The following MTR variants were observed in gnomAD, a reference collection of about 807,000 sequenced individuals.
The protein encoded by MTR is 5-methyltetrahydrofolate-homocysteine methyltransferase.
MTR carries 84 observed loss-of-function variants against 154.8 expected under a neutral mutation model. The ratio of observed to expected loss-of-function variants is 0.54; its 90% CI spans 0.45 to 0.65. The LOEUF (loss-of-function observed/expected upper bound fraction) is 0.65, where lower values mean the gene tolerates loss of function less well. Ranked by LOEUF, MTR falls within the 30% of genes least tolerant of loss-of-function variation. MTR has a pLI of 0.00. For synonymous variants in MTR, 554 were observed against 553.9 expected (o/e 1.00, Z 0.00); for missense variants, 1,275 against 1,570.2 (o/e 0.81, Z 3.18).
intron 2 of MTR, among the ~76,000 whole-genome samples, chr1:236,804,029 G>T (rs1002819052): frequency 1.4e-5 from 2 of 145,656 alleles, no homozygotes; most frequent in Admixed American, 7.0e-5. Flanking sequence ...CATAGACTGG[G>T]TTATACAAGC....
intron 7 of MTR, 87 bp downstream of exon 7, chr1:236,815,750 C>CT (rs1282977058): frequency 1.2e-5 from 16 of 1,280,072 alleles, no homozygotes; most frequent in Middle Eastern, 3.7e-4. Flanking sequence ...CATAGTAGAA[C>CT]TATTAATGGT....
intron 27 of MTR, among the ~76,000 whole-genome samples, chr1:236,888,448 C>T (rs1334491965): frequency 6.6e-6 from 1 of 152,196 alleles, no homozygotes; most frequent in Non-Finnish European, 1.5e-5. Context: ...GTATAAAGAA[C>T]AATATATTAA....
intron 32 of MTR, among the ~76,000 whole-genome samples, 192 bp downstream of exon 32, chr1:236,897,310 G>GCACGCACACA (rs1373475510): frequency 2.3e-5 from 3 of 128,614 alleles, no homozygotes; most frequent in African/African-American, 8.3e-5. Flanking sequence ...CCACACACAC[G>GCACGCACACA]CACACACACA....
chr1:236,885,499 A>C (rs568125370), intron 26 of MTR, among the ~76,000 whole-genome samples: 2 of 152,196 alleles, frequency 1.3e-5, no homozygotes, highest in Non-Finnish European at 2.9e-5. Flanking sequence ...ATGGTAATGA[A>C]TAAAACATGA....
At chr1:236,819,378 T>C (rs1317690464) in intron 8 of MTR, among the ~76,000 whole-genome samples, 1 of 152,222 alleles carries the variant, frequency 6.6e-6, no homozygotes, top group Non-Finnish European at 1.5e-5. Context: ...ATTGGCTTCT[T>C]TCACTTAGTG....
intron 22 of MTR, among the ~76,000 whole-genome samples, chr1:236,873,271 G>A (rs1392928334): frequency 2.0e-5 from 3 of 152,202 alleles, no homozygotes; most frequent in East Asian, 1.9e-4. Flanking sequence ...GTTACCAGGG[G>A]ATGGAGTGGA....
At chr1:236,844,824 C>G (rs2103209841) in intron 15 of MTR, among the ~76,000 whole-genome samples, 1 of 152,186 alleles carries the variant, frequency 6.6e-6, no homozygotes, top group East Asian at 1.9e-4. Flanking sequence ...GAATGTTGTG[C>G]CTTAGGGATC....
rs77917251 is a variant in MTR at position 236,812,378 on chromosome 1, C to T, written c.503-360C>T. ...CTCTGCATCAGTGTGGCATGTTTCT[C>T]ACAGCCATCTCTTAACCGGTTGATT... On this transcript the variant is annotated intron_variant, in intron 5 of 32. Transcript: ENST00000366577. 6.4e-3 allele frequency among the ~76,000 whole-genome samples: 971 copies of T among 152,326 alleles called. 10 individuals are homozygous for T. Among genetic ancestry groups the T allele is most frequent in the Non-Finnish European group, 9.7e-3 (658 of 68,028 alleles).
At chr1:236,813,135 G>T (rs1193616212) in intron 6 of MTR, among the ~76,000 whole-genome samples, 1 of 152,034 alleles carries the variant, frequency 6.6e-6, no homozygotes, top group African/African-American at 2.4e-5. Flanking sequence ...TTCTAAATTT[G>T]AAAGATACAT....
chr1:236,861,181 AT>A lies in MTR; in HGVS notation c.2101del (p.Tyr701IlefsTer7), dbSNP rs762727293. 1.8e-5 allele frequency: 29 copies of A among 1,613,228 alleles called. No homozygotes were observed. The highest frequency in any genetic ancestry group is 3.3e-5 in the Admixed American group (2 of 59,960). On this transcript the variant is annotated frameshift_variant, in exon 20 of 33. Coordinates refer to ENST00000366577, the MANE Select transcript of MTR (RefSeq NM_000254.3). LOFTEE classifies it high-confidence loss of function. Reference sequence around the variant, plus strand: ...AGGAAGCCAGGTTAAACCAAAAAAAATATCCCCGACCTCTCAATATAATTGA... The same window carrying A: ...AGGAAGCCAGGTTAAACCAAAAAAAAATCCCCGACCTCTCAATATAATTGA... The part of the protein sequence containing the change: ...TEEARLNQKK[Y>X]PRPLNIIEGP...
At chr1:236,856,800 TGTTA>T (rs1371089811) in intron 18 of MTR, among the ~76,000 whole-genome samples, 1 of 152,120 alleles carries the variant, frequency 6.6e-6, no homozygotes, top group Non-Finnish European at 1.5e-5. Context: ...TCTGTTCCTG[TGTTA>T]GTTTGTTGAG....
intron 4 of MTR, 99 bp from the exon 5 acceptor site, chr1:236,810,404 T>C: frequency 1.0e-6 from 1 of 974,478 alleles, no homozygotes; most frequent in Admixed American, 1.7e-5. Context: ...CAAAAGATTA[T>C]AGACCTGTGT....
At chr1:236,799,298 T>G (rs987245683) in intron 1 of MTR, among the ~76,000 whole-genome samples, 1 of 151,882 alleles carries the variant, frequency 6.6e-6, no homozygotes, top group Admixed American at 6.6e-5. Context: ...ATTTTTGTTT[T>G]TTTTTTTTGT....
chr1:236,886,097 T>A (rs1665993964), intron 26 of MTR, among the ~76,000 whole-genome samples, 195 bp from the exon 27 acceptor site: 1 of 151,172 alleles, frequency 6.6e-6, no homozygotes, highest in African/African-American at 2.5e-5. Flanking sequence ...TTATTAAGTC[T>A]TTACTATCTA....
rs1663665758 is a variant in MTR, at chr1:236,847,758, T to TA, written c.1516-2580dup. On this transcript the variant is annotated intron_variant, in intron 15 of 32. Coordinates refer to ENST00000366577, the MANE Select transcript of MTR (RefSeq NM_000254.3). The stretch of plus-strand genomic sequence containing the variant: ...GGTTCAGGGTGAGGTGTTACTATTA[T>TA]AAAAAACAAGCAAACAGAAATCCCT... 2.6e-5 allele frequency among the ~76,000 whole-genome samples: 4 copies of TA among 152,158 alleles called. No individual in the cohort carries two copies. In the South Asian group the frequency reaches 8.3e-4, roughly 32 times the overall value.
rs568086705 is a variant in MTR, at chr1:236,873,213, G to A, written c.2406-560G>A. On this transcript the variant is annotated intron_variant, in intron 22 of 32. Coordinates refer to ENST00000366577, the MANE Select transcript of MTR (RefSeq NM_000254.3). Reference sequence around the variant, plus strand: ...GAATACTGTATTATTCTACTTATGCGAAATATCTAGATAAGGCAAATTCAT... The same window carrying A: ...GAATACTGTATTATTCTACTTATGCAAAATATCTAGATAAGGCAAATTCAT... 1.2e-4 allele frequency among the ~76,000 whole-genome samples: 18 copies of A among 152,282 alleles called. No individual in the cohort carries two copies. The South Asian group carries it at 1.7e-3, about 14-fold the overall frequency.
At chr1:236,797,993 AAAAC>A (rs1660497772) in intron 1 of MTR, among the ~76,000 whole-genome samples, 1 of 152,016 alleles carries the variant, frequency 6.6e-6, no homozygotes, top group African/African-American at 2.4e-5. Flanking sequence ...CAAAACCAAA[AAAAC>A]AAAGTGTAGC....
At chr1:236,811,269 G>A (rs1473593949) in intron 5 of MTR, among the ~76,000 whole-genome samples, 4 of 152,068 alleles carry the variant, frequency 2.6e-5, no homozygotes, top group Non-Finnish European at 5.9e-5. Flanking sequence ...ACCCTCACCA[G>A]GTCCCCTCTC....
At chr1:236,872,156 G>A (rs1188979438) in intron 22 of MTR, among the ~76,000 whole-genome samples, 1 of 152,186 alleles carries the variant, frequency 6.6e-6, no homozygotes, top group East Asian at 1.9e-4. Flanking sequence ...ATTTAAAATA[G>A]AAGTAATTCC....
Sources: gnomAD v4.1 joint callset for allele counts (sites outside exome capture counted in the v4.1 genomes callset) on GRCh38, gnomAD v4.1.1 for gene constraint, MANE v1.5 for transcripts, NCBI Gene and HGNC (gene_info 2026-07-23, HGNC 2026-07-21) for gene names.